Variants in CD82 observed in about 807,000 individuals in gnomAD.
CD82 encodes CD82 antigen.
CD82 carries 36 observed loss-of-function variants against 37.4 expected under a neutral mutation model. The ratio of observed to expected loss-of-function variants is 0.96; its 90% CI spans 0.74 to 1.27. The LOEUF is 1.27. CD82 is among the 50% of genes most tolerant of loss of function. The pLI is 0.00. For missense variants in CD82, 340 were observed against 347.0 expected, an observed-to-expected ratio of 0.98 and a Z score of 0.16; for synonymous variants, 158 against 137.4, an observed-to-expected ratio of 1.15 and a Z score of -1.05.
rs558883764 is a variant in CD82 at position 44,611,881 on chromosome 11, A to G, written c.337-3391A>G. ...TCTAGGTGGAAACCACCCAGCTTCC[A>G]TCACCTTCTCATTTCAGGGAGGCTG... On this transcript the variant is annotated intron_variant, in intron 6 of 9. Transcript: ENST00000227155. 2.0e-4 allele frequency among the ~76,000 whole-genome samples: 30 copies of G among 152,312 alleles called. No individual in the cohort carries two copies. In the East Asian group the frequency reaches 5.4e-3, roughly 27 times the overall value.
chr11:44,613,847 A>T (rs1853521978), intron 6 of CD82, among the ~76,000 whole-genome samples: 6 of 151,996 alleles, frequency 3.9e-5, no homozygotes. Flanking sequence ...GCAAAACAAA[A>T]AAAAAAAAGT....
In CD82 at chr11:44,587,525, C is replaced by A; in HGVS notation, c.-52C>A. 1 of 456,314 alleles carries A rather than the reference C, an allele frequency of 2.2e-6. No homozygotes were observed. Among genetic ancestry groups the A allele is most frequent in the South Asian group, 1.5e-5 (1 of 64,576 alleles). 28.3% of individuals were successfully genotyped at this position (456,314 alleles called of 1,614,324 possible). On this transcript the variant is annotated 5_prime_UTR_variant, in exon 2 of 10. Transcript: ENST00000227155. ...ACACGTGGGCACAGGCAGAAGTGGG[C>A]CCTGTGACCAGCTGCACTGGTTTCG... is the stretch of plus-strand genomic sequence containing the variant.
At chr11:44,586,280 T>G (rs1030967050) in intron 1 of CD82, among the ~76,000 whole-genome samples, 3 of 8,422 alleles carry the variant, frequency 3.6e-4, no homozygotes, top group Non-Finnish European at 1.0e-3. Flanking sequence ...TCTAGGGCAT[T>G]TAGGAGATGG....
At chr11:44,609,689 C>A (rs1264825012) in intron 6 of CD82, among the ~76,000 whole-genome samples, 2 of 152,198 alleles carry the variant, frequency 1.3e-5, no homozygotes, top group Non-Finnish European at 2.9e-5. Context: ...TGTGAACTGT[C>A]TGCTTGCTGA....
intron 1 of CD82, among the ~76,000 whole-genome samples, chr11:44,566,662 A>T (rs571979667): frequency 2.4e-4 from 36 of 152,224 alleles, no homozygotes; most frequent in Non-Finnish European, 4.1e-4. Flanking sequence ...CAATAGCAGG[A>T]GCAAGCACTA....
chr11:44,568,541 G>A (rs1852769871), intron 1 of CD82, among the ~76,000 whole-genome samples: 1 of 151,960 alleles, frequency 6.6e-6, no homozygotes, highest in African/African-American at 2.4e-5. Context: ...ATGGTTAGAA[G>A]AAGTGCCTGC....
In CD82 at chr11:44,612,226, A is replaced by G. The variant is rs544906052; in HGVS notation, c.337-3046A>G. Among the ~76,000 whole-genome samples, 4 of 152,374 alleles carry G rather than the reference A, an allele frequency of 2.6e-5. No homozygotes were observed. The East Asian group carries it at 7.7e-4, about 29-fold the overall frequency. On this transcript the variant is annotated intron_variant, in intron 6 of 9. Transcript: ENST00000227155. ...GGTTTAAATGCCAATAAAGCTTAAT[A>G]GGTAAAAACCTGGGTTCTGAAATCA...
At chr11:44,567,983 T>C (rs1026417612) in intron 1 of CD82, among the ~76,000 whole-genome samples, 12 of 152,144 alleles carry the variant, frequency 7.9e-5, no homozygotes, top group Non-Finnish European at 1.6e-4. Context: ...TGGCTGAAGT[T>C]TGGGAACGTG....
At chr11:44,617,051 CT>C (rs1853574382) in intron 7 of CD82, among the ~76,000 whole-genome samples, 1 of 152,150 alleles carries the variant, frequency 6.6e-6, no homozygotes, top group African/African-American at 2.4e-5. Flanking sequence ...GGCACGCCCC[CT>C]GCTGGCCACT....
At chr11:44,567,918 G>T (rs1261469508) in intron 1 of CD82, among the ~76,000 whole-genome samples, 2 of 152,250 alleles carry the variant, frequency 1.3e-5, no homozygotes, top group Non-Finnish European at 2.9e-5. Flanking sequence ...CTAGGCAGAG[G>T]CAGGGAGGTC....
intron 1 of CD82, among the ~76,000 whole-genome samples, chr11:44,575,961 T>C (rs568054133): frequency 1.3e-5 from 2 of 152,218 alleles, no homozygotes; most frequent in African/African-American, 4.8e-5. Context: ...ACTTCTCCAG[T>C]GCAGGTCTGG....
chr11:44,611,452 C>T (rs1342263065), intron 6 of CD82, among the ~76,000 whole-genome samples: 1 of 152,262 alleles, frequency 6.6e-6, no homozygotes, highest in Non-Finnish European at 1.5e-5. Flanking sequence ...AAGCCCATCT[C>T]TGAACCACTC....
At chr11:44,615,138 G>A in intron 6 of CD82, 134 bp from the exon 7 acceptor site, 1 of 654,418 alleles carries the variant, frequency 1.5e-6, no homozygotes, top group East Asian at 2.8e-5. Flanking sequence ...GGGAGCGCCA[G>A]GAAAGTGGCT....
At chr11:44,616,628 G>T (rs926809259) in intron 7 of CD82, among the ~76,000 whole-genome samples, 5 of 152,224 alleles carry the variant, frequency 3.3e-5, no homozygotes, top group African/African-American at 1.2e-4. Context: ...TGCTGAGCCT[G>T]CTTCCTCATC....
At chr11:44,584,725 T>C (rs1853028787) in intron 1 of CD82, among the ~76,000 whole-genome samples, 1 of 151,682 alleles carries the variant, frequency 6.6e-6, no homozygotes, top group South Asian at 2.1e-4. Flanking sequence ...AGACCAGAGA[T>C]TGAAAAATAA....
chr11:44,590,156 C>T (rs1207544054), intron 2 of CD82, among the ~76,000 whole-genome samples: 1 of 152,028 alleles, frequency 6.6e-6, no homozygotes, highest in Non-Finnish European at 1.5e-5. Flanking sequence ...CTTACAGACA[C>T]TTGTGGGTGC....
intron 1 of CD82, 95 bp from the exon 2 acceptor site, chr11:44,587,380 A>G: frequency 4.4e-6 from 2 of 450,166 alleles, no homozygotes; most frequent in Non-Finnish European, 9.0e-6. Flanking sequence ...CGCCGGCCAC[A>G]CGGGGAGCCT....
chr11:44,602,944 A>G (rs888197597), intron 4 of CD82, among the ~76,000 whole-genome samples: 4 of 152,182 alleles, frequency 2.6e-5, no homozygotes, highest in African/African-American at 9.7e-5. Flanking sequence ...GTCCTTGCAG[A>G]CAAATCAGGA....
At chr11:44,618,842 G>A in intron 9 of CD82, 119 bp downstream of exon 9, 1 of 919,738 alleles carries the variant, frequency 1.1e-6, no homozygotes, top group South Asian at 1.6e-5. Context: ...GCTTCCAGAG[G>A]CCCTCTGGTC....
Sources: gnomAD v4.1 joint callset for allele counts (sites outside exome capture counted in the v4.1 genomes callset) on GRCh38, gnomAD v4.1.1 for gene constraint, MANE v1.5 for transcripts, NCBI Gene and HGNC (gene_info 2026-07-23, HGNC 2026-07-21) for gene names.